Variants in ARFGEF3 observed in about 807,000 individuals in gnomAD.
ARFGEF3 encodes the protein brefeldin A-inhibited guanine nucleotide-exchange protein 3.
Under a neutral mutation model 221.7 loss-of-function variants are expected in ARFGEF3, and 96 were observed. That is an observed-to-expected ratio of 0.43 (90% confidence interval 0.37 to 0.51). The LOEUF (loss-of-function observed/expected upper bound fraction) is 0.51. ARFGEF3 is among the 20% of genes least tolerant of loss of function. ARFGEF3 has a pLI of 0.00. For missense variants in ARFGEF3, 2,410 were observed against 2,789.9 expected, an observed-to-expected ratio of 0.86 and a Z score of 3.07; for synonymous variants, 1,145 against 1,126.8, an observed-to-expected ratio of 1.02 and a Z score of -0.32.
chr6:138,291,833 G>C lies in ARFGEF3; in HGVS notation c.3148G>C (p.Ala1050Pro). The C allele has an allele frequency of 6.7e-7, 1 of 1,498,808 alleles. No homozygotes were observed. The highest frequency in any genetic ancestry group is 8.9e-7 in the Non-Finnish European group (1 of 1,121,532). 92.8% of individuals were successfully genotyped at this position (1,498,808 alleles called of 1,614,324 possible). The change falls in exon 19 of 34, where the codon GCT (alanine) becomes CCT (proline). Residue 1050 changes from alanine (A) to proline (P), a missense_variant. Ala to Pro is a conservative substitution (Grantham distance 27). Around this residue, in one of 5 missense-constraint regions of ARFGEF3, gnomAD observed 184 missense variants for 141.8 expected, o/e 1.30. Transcript: ENST00000251691. This position sits in a 1 kb window ranked among gnomAD's most constrained non-coding sequence, Gnocchi z 4.5. ...CCAGCCCCAGAAGGCCACTGGAAGC[G>C]CTGGCCTCCTTGGGGACCCCGAGTG... is the stretch of plus-strand genomic sequence containing the variant. ...ISQPQKATGS[A>P]GLLGDPECEG...
intron 22 of ARFGEF3, among the ~76,000 whole-genome samples, chr6:138,300,732 A>G (rs1779614672): frequency 6.6e-6 from 1 of 152,220 alleles, no homozygotes; most frequent in South Asian, 2.1e-4. Context: ...GGGACCTCCC[A>G]AGTCTGGTAA....
intron 10 of ARFGEF3, among the ~76,000 whole-genome samples, chr6:138,259,922 A>G (rs1778755555): frequency 6.6e-6 from 1 of 152,130 alleles, no homozygotes; most frequent in Admixed American, 6.5e-5. Flanking sequence ...TTTAAAAAAA[A>G]AAATTATCGA....
chr6:138,327,987 G>A lies in ARFGEF3; in HGVS notation c.5002-34G>A, dbSNP rs143694604. 1.4e-4 allele frequency: 215 copies of A among 1,542,644 alleles called. No individual in the cohort carries two copies. The African/African-American group carries it at 2.7e-3, about 19-fold the overall frequency. ...CTGACAGGTCAAGCAGAGGACACTG[G>A]AGTTCTGAAATGTACCTTTGCACCC... On this transcript the variant is annotated intron_variant, in intron 31 of 33. Transcript: ENST00000251691.
rs1779349432 is a variant in ARFGEF3 at position 138,289,010 on chromosome 6, A to G, written c.2897-808A>G. On this transcript the variant is annotated intron_variant, in intron 17 of 33. Transcript: ENST00000251691. ...CTCTTGTTGCCCAGGCTGGAGAGCA[A>G]TGGCACCATCTCGGCTTACTGCAAT... Among the ~76,000 whole-genome samples the G allele has an allele frequency of 2.6e-5, 4 of 152,106 alleles. No individual in the cohort carries two copies. The South Asian group carries it at 8.3e-4, about 32-fold the overall frequency.
rs1007357248 is a variant in ARFGEF3, at chr6:138,336,222, G to A, written c.6343-73G>A. 4.2e-6 allele frequency: 5 copies of A among 1,188,720 alleles called. No homozygotes were observed. The African/African-American group carries it at 7.9e-5, about 19-fold the overall frequency. The allele number at this position is 1,188,720 out of a possible 1,614,324, so 73.6% of individuals were successfully genotyped here. On this transcript the variant is annotated intron_variant, in intron 33 of 33. Coordinates refer to ENST00000251691, the MANE Select transcript of ARFGEF3 (RefSeq NM_020340.5). Reference sequence around the variant, plus strand: ...CTGGAAAAAAACCATTTCCACATTGGCAGGGCCACTCTCAAGTGTTCAAAT... The same window carrying A: ...CTGGAAAAAAACCATTTCCACATTGACAGGGCCACTCTCAAGTGTTCAAAT...
chr6:138,181,038 G>C (rs562446868), intron 2 of ARFGEF3, among the ~76,000 whole-genome samples: 1 of 152,186 alleles, frequency 6.6e-6, no homozygotes, highest in South Asian at 2.1e-4. Flanking sequence ...AACCAGCTGC[G>C]TCTGTGGGCT....
intron 4 of ARFGEF3, among the ~76,000 whole-genome samples, chr6:138,226,138 A>G (rs1778080165): frequency 6.6e-6 from 1 of 152,184 alleles, no homozygotes; most frequent in Admixed American, 6.5e-5. Flanking sequence ...ACCCCCGATC[A>G]TGACCAGGAC....
chr6:138,204,752 G>A (rs1365085373), intron 2 of ARFGEF3, among the ~76,000 whole-genome samples: 2 of 152,206 alleles, frequency 1.3e-5, no homozygotes, highest in South Asian at 2.1e-4. Flanking sequence ...ACAGAGTTTA[G>A]TATTTCAATT....
intron 2 of ARFGEF3, among the ~76,000 whole-genome samples, chr6:138,192,867 A>G (rs1355642679): frequency 6.6e-6 from 1 of 152,184 alleles, no homozygotes; most frequent in South Asian, 2.1e-4. Flanking sequence ...ACAGGTTGCC[A>G]TTGTCAGGGC....
intron 2 of ARFGEF3, among the ~76,000 whole-genome samples, chr6:138,182,888 A>C (rs983032649): frequency 1.3e-5 from 2 of 152,250 alleles, no homozygotes; most frequent in Admixed American, 1.3e-4. Flanking sequence ...AAGTGAGAGC[A>C]GACCTATGCT....
intron 31 of ARFGEF3, among the ~76,000 whole-genome samples, chr6:138,324,754 A>G (rs1456462289): frequency 6.6e-6 from 1 of 152,244 alleles, no homozygotes; most frequent in Admixed American, 6.5e-5. Flanking sequence ...AGCAAAGCCT[A>G]GAGAAGATGC....
chr6:138,276,963 G>A (rs1265919064), intron 12 of ARFGEF3, among the ~76,000 whole-genome samples: 1 of 152,132 alleles, frequency 6.6e-6, no homozygotes, highest in East Asian at 1.9e-4. Flanking sequence ...ACTGCACCTG[G>A]CCTAACGTGT....
chr6:138,343,698 A>C lies in ARFGEF3; in HGVS notation c.*7212A>C, dbSNP rs931222026. 9 of 152,198 alleles carry C rather than the reference A, an allele frequency of 5.9e-5. No individual in the cohort carries two copies. 9.4% of individuals were successfully genotyped at this position (152,198 alleles called of 1,614,324 possible). A position where few individuals can be genotyped will look rare whatever the true frequency, so the allele number is the denominator to read the frequency against. On this transcript the variant is annotated 3_prime_UTR_variant, in exon 34 of 34. Coordinates refer to ENST00000251691, the MANE Select transcript of ARFGEF3 (RefSeq NM_020340.5). ...TAAAGTTAGGGAGGCTCGGGCCCTGACACTGCCAGCCCCAGTGAGCATCCC... is the reference window on the plus strand; with the variant it reads ...TAAAGTTAGGGAGGCTCGGGCCCTGCCACTGCCAGCCCCAGTGAGCATCCC...
rs780994927 is a variant in ARFGEF3 at position 138,297,002 on chromosome 6, A to C, written c.3648+47A>C. The C allele has an allele frequency of 5.7e-6, 9 of 1,569,890 alleles. No individual in the cohort carries two copies. The South Asian group carries it at 1.1e-4, about 19-fold the overall frequency. The stretch of plus-strand genomic sequence containing the variant: ...AGAGGCTGGAACTGCTAAGTCAGTG[A>C]CCAGCAGAGCCAGCATGGGGGCCTG... On this transcript the variant is annotated intron_variant, in intron 21 of 33. Transcript: ENST00000251691.
At chr6:138,247,868 A>G (rs963464847) in intron 8 of ARFGEF3, among the ~76,000 whole-genome samples, 5 of 152,250 alleles carry the variant, frequency 3.3e-5, no homozygotes, top group Admixed American at 2.6e-4. Flanking sequence ...GAGCTCCAGG[A>G]ACACCTGAAG....
At chr6:138,262,453 A>G (rs1267131901) in intron 11 of ARFGEF3, among the ~76,000 whole-genome samples, 5 of 152,062 alleles carry the variant, frequency 3.3e-5, no homozygotes, top group African/African-American at 1.2e-4. Context: ...CAGCGTCCCA[A>G]AGTGCTGGGA....
At chr6:138,289,568 G>A (rs76497931) in intron 17 of ARFGEF3, among the ~76,000 whole-genome samples, 4,495 of 152,316 alleles carry the variant, frequency 0.03, 78 homozygotes, top group Non-Finnish European at 0.046. Context: ...GAAAGGGCCT[G>A]GAAGGAATGG....
chr6:138,247,929 C>T (rs1778514990), intron 8 of ARFGEF3, among the ~76,000 whole-genome samples: 2 of 152,138 alleles, frequency 1.3e-5, no homozygotes, highest in African/African-American at 4.8e-5. Flanking sequence ...CTGTCCACCA[C>T]GGGAAACCAC....
At chr6:138,323,634 A>T in intron 29 of ARFGEF3, 37 bp from the exon 30 acceptor site, 1 of 1,406,842 alleles carries the variant, frequency 7.1e-7, no homozygotes, top group Non-Finnish European at 9.7e-7. Flanking sequence ...AACAACAACA[A>T]CAAAAAAAAA....
Sources: gnomAD v4.1 joint callset for allele counts (sites outside exome capture counted in the v4.1 genomes callset) on GRCh38, gnomAD v4.1.1 for gene constraint, gnomAD v4.1.1 regional missense constraint, Gnocchi (gnomAD v3.1) non-coding constraint, MANE v1.5 for transcripts, NCBI Gene and HGNC (gene_info 2026-07-23, HGNC 2026-07-21) for gene names.